The following AOAH variants were observed in gnomAD, a reference collection of about 807,000 sequenced individuals.
AOAH encodes acyloxyacyl hydrolase (neutrophil).
In AOAH, 64 loss-of-function variants were observed where a neutral mutation model predicts 92.2. The observed-to-expected ratio is 0.69, with a 90% CI of 0.57 to 0.86. AOAH has a LOEUF of 0.86. Among genes scored for constraint, AOAH ranks in the 40% least tolerant of loss-of-function variants. The probability of loss-of-function intolerance (pLI) is 0.00; values close to 1 mark genes in which losing one functional copy is unlikely to be tolerated. For synonymous variants in AOAH, 263 were observed against 254.5 expected (o/e 1.03, Z -0.32); for missense variants, 656 against 694.6 (o/e 0.94, Z 0.62).
At chr7:36,683,774 A>G (rs1054901498) in intron 2 of AOAH, among the ~76,000 whole-genome samples, 2 of 151,618 alleles carry the variant, frequency 1.3e-5, no homozygotes, top group Non-Finnish European at 2.9e-5. Context: ...TAAAGCTGAC[A>G]TGTGTAAATG....
At chr7:36,698,949 C>T (rs4582455) in intron 1 of AOAH, among the ~76,000 whole-genome samples, 90,760 of 151,650 alleles carry the variant, frequency 0.6, 27,578 homozygotes, top group East Asian at 0.84. Context: ...TCAACCTCTC[C>T]TCATTCTCCC....
chr7:36,545,009 T>C (rs1785710156), intron 15 of AOAH, among the ~76,000 whole-genome samples: 1 of 152,110 alleles, frequency 6.6e-6, no homozygotes, highest in Non-Finnish European at 1.5e-5. Flanking sequence ...CCAGTTGCAA[T>C]CACATTGTTG....
chr7:36,551,381 CT>C (rs1786245194), intron 13 of AOAH, among the ~76,000 whole-genome samples: 1 of 152,062 alleles, frequency 6.6e-6, no homozygotes, highest in Admixed American at 6.6e-5. Context: ...CTCATTTCAT[CT>C]TTCCATCCCT....
chr7:36,648,697 A>C (rs1337864139), intron 4 of AOAH, among the ~76,000 whole-genome samples: 1 of 151,984 alleles, frequency 6.6e-6, no homozygotes, highest in Non-Finnish European at 1.5e-5. Flanking sequence ...GGTATAGATA[A>C]ACATCTAGCT....
intron 16 of AOAH, among the ~76,000 whole-genome samples, chr7:36,537,944 C>A (rs943534731): frequency 5.3e-5 from 8 of 151,570 alleles, no homozygotes; most frequent in Admixed American, 1.3e-4. Context: ...CCCAATCATC[C>A]TTTTTTCTTC....
chr7:36,687,908 TGA>T (rs139725822), intron 1 of AOAH, among the ~76,000 whole-genome samples: 3,263 of 152,296 alleles, frequency 0.021, 106 homozygotes, highest in African/African-American at 0.074. Flanking sequence ...TTCTATAAAA[TGA>T]GAGATTGCCA....
chr7:36,686,847 G>A, intron 1 of AOAH, 53 bp from the exon 2 acceptor site: 4 of 1,223,860 alleles, frequency 3.3e-6, no homozygotes, highest in Non-Finnish European at 4.5e-6. Flanking sequence ...AACTGAACTG[G>A]AGGGACAGGA....
chr7:36,684,453 G>C (rs973087719), intron 2 of AOAH, among the ~76,000 whole-genome samples: 16 of 152,114 alleles, frequency 1.1e-4, no homozygotes, highest in Non-Finnish European at 1.6e-4. Flanking sequence ...GCCTTTCCTA[G>C]ATGCCTTTCC....
chr7:36,530,487 T>G lies in AOAH; in HGVS notation c.1453A>C (p.Lys485Gln). 1 of 1,613,744 alleles carries G rather than the reference T, an allele frequency of 6.2e-7. No individual in the cohort carries two copies. Among genetic ancestry groups the G allele is most frequent in the Non-Finnish European group, 8.5e-7 (1 of 1,179,654 alleles). The stretch of plus-strand genomic sequence containing the variant: ...AATTTCTCACTGGCTGCAATTTTTT[T>G]CAGTGTGTTGGAGAGTTGCTCTGCT... Reference protein sequence around the residue: ...ERAEQLSNTLKKIAASEKFTN... With the variant: ...ERAEQLSNTLQKIAASEKFTN... The change falls in exon 19 of 21, where the codon AAA becomes CAA. Residue 485 changes from lysine (K) to glutamine (Q), a missense_variant. Transcript: ENST00000617537.
intron 12 of AOAH, among the ~76,000 whole-genome samples, chr7:36,589,609 C>T (rs181268466): frequency 1.2e-4 from 19 of 152,254 alleles, no homozygotes; most frequent in East Asian, 5.8e-4. Context: ...TGGGAGAGAA[C>T]GTCAGAGATC....
At chr7:36,632,154 T>A in intron 5 of AOAH, 48 bp from the exon 6 acceptor site, 1 of 1,509,948 alleles carries the variant, frequency 6.6e-7, no homozygotes. Flanking sequence ...GTTTAAGGAG[T>A]GGTTCCCCAC....
intron 2 of AOAH, among the ~76,000 whole-genome samples, chr7:36,683,287 C>A (rs1335720531): frequency 6.6e-6 from 1 of 152,084 alleles, no homozygotes. Context: ...TAGCTATGAG[C>A]CCTTCTGGAG....
At chr7:36,639,982 A>G (rs868673115) in intron 4 of AOAH, among the ~76,000 whole-genome samples, 4 of 152,198 alleles carry the variant, frequency 2.6e-5, no homozygotes, top group Admixed American at 1.3e-4. Flanking sequence ...ATGACAAGCT[A>G]TGAAAACAGG....
At chr7:36,550,596 C>A (rs1292550678) in intron 13 of AOAH, among the ~76,000 whole-genome samples, 4 of 152,180 alleles carry the variant, frequency 2.6e-5, no homozygotes, top group African/African-American at 9.7e-5. Flanking sequence ...GCTCTGGCTT[C>A]CTGTGGACAG....
intron 13 of AOAH, among the ~76,000 whole-genome samples, chr7:36,555,931 C>A (rs1167951582): frequency 1.3e-5 from 2 of 152,088 alleles, no homozygotes; most frequent in Non-Finnish European, 2.9e-5. Flanking sequence ...CTTTCAAAAA[C>A]CAGCTCCTGG....
intron 19 of AOAH, among the ~76,000 whole-genome samples, chr7:36,525,709 T>C (rs1397228203): frequency 6.6e-6 from 1 of 152,234 alleles, no homozygotes; most frequent in East Asian, 1.9e-4. Context: ...GTGTGTAGGA[T>C]GATCAACTGG....
intron 12 of AOAH, among the ~76,000 whole-genome samples, chr7:36,580,702 T>C (rs1788871891): frequency 6.6e-6 from 1 of 152,184 alleles, no homozygotes; most frequent in Non-Finnish European, 1.5e-5. Context: ...AAAAAGCTAA[T>C]TGATTTTGAT....
chr7:36,579,838 C>A (rs928502677), intron 12 of AOAH, among the ~76,000 whole-genome samples: 3 of 152,214 alleles, frequency 2.0e-5, no homozygotes, highest in African/African-American at 7.2e-5. Context: ...TTTGGCAACA[C>A]CCTCACAGAC....
chr7:36,597,016 T>C (rs553381323), intron 11 of AOAH, among the ~76,000 whole-genome samples: 24 of 152,288 alleles, frequency 1.6e-4, no homozygotes, highest in Admixed American at 7.2e-4. Context: ...TGCTCCTCCT[T>C]CTTCAATTGC....
Sources: allele counts gnomAD v4.1 joint callset (sites outside exome capture counted in the v4.1 genomes callset), GRCh38; gene constraint gnomAD v4.1.1; transcripts MANE v1.5; gene names NCBI Gene and HGNC (gene_info 2026-07-23, HGNC 2026-07-21).